Variants in NUP58 observed in about 807,000 individuals in gnomAD.
The protein encoded by NUP58 is nucleoporin 58, also known as nucleoporin p58/p45.
A neutral mutation model predicts 70.1 loss-of-function variants in NUP58; 17 were observed. The ratio of observed to expected loss-of-function variants is 0.24; its 90% confidence interval spans 0.17 to 0.36. NUP58 has a LOEUF of 0.36. Among genes scored for constraint, NUP58 ranks in the 10% least tolerant of loss-of-function variants. The pLI is 1.00. For synonymous variants in NUP58, 275 were observed against 257.6 expected, an observed-to-expected ratio of 1.07 and a Z score of -0.65; for missense variants, 644 against 701.5, an observed-to-expected ratio of 0.92 and a Z score of 0.93.
chr13:25,332,728 A>C, intron 13 of NUP58: 1 of 985,470 alleles, frequency 1.0e-6, no homozygotes, highest in Non-Finnish European at 1.2e-6. Context: ...ACCCATGTGA[A>C]TAGTGGCTCG....
In NUP58 at chr13:25,326,947, G is replaced by A. The variant is rs565404229; in HGVS notation, c.1063G>A (p.Val355Ile). The stretch of plus-strand genomic sequence containing the variant: ...CAGAATCTTGGTTCAGCAATTTGAG[G>A]TACAGCTTCAGCAGTACAGGCAGCA... ...YFRILVQQFEVQLQQYRQQIE... is the reference protein window; with the variant it reads ...YFRILVQQFEIQLQQYRQQIE... The change falls in exon 11 of 16, where the codon GTA (valine) becomes ATA (isoleucine). Residue 355 changes from valine to isoleucine, a missense_variant. By Grantham distance (29) the Val-to-Ile change is conservative. Around this residue, in one of 4 missense-constraint regions of NUP58, gnomAD observed 4 missense variants for 17.1 expected, o/e 0.23. Coordinates refer to ENST00000381736, the MANE Select transcript of NUP58 (RefSeq NM_014089.4). 1.9e-4 allele frequency: 304 copies of A among 1,596,436 alleles called. 2 individuals carry two copies. In the South Asian group the frequency reaches 2.5e-3, roughly 13 times the overall value.
chr13:25,345,972 AG>A (rs1234537259), downstream of NUP58, among the ~76,000 whole-genome samples: 2 of 152,242 alleles, frequency 1.3e-5, no homozygotes, highest in African/African-American at 4.8e-5. Context: ...AGGCTTACAA[AG>A]GTTTCATTGC....
intron 2 of NUP58, among the ~76,000 whole-genome samples, chr13:25,308,347 C>T (rs908260224): frequency 8.6e-5 from 13 of 152,028 alleles, no homozygotes; most frequent in African/African-American, 3.1e-4. Flanking sequence ...GTTGTCTAGG[C>T]TGGAGTGCAG....
intron 13 of NUP58, chr13:25,333,466 A>G: frequency 5.1e-6 from 5 of 985,274 alleles, no homozygotes; most frequent in Non-Finnish European, 6.0e-6. Context: ...GGGCTTTCTC[A>G]TCAGATGGCA....
At chr13:25,311,802 G>C (rs2030682957) in intron 3 of NUP58, among the ~76,000 whole-genome samples, 1 of 151,848 alleles carries the variant, frequency 6.6e-6, no homozygotes, top group Admixed American at 6.6e-5. Flanking sequence ...CCTAAGCTAA[G>C]GTTTTTAAGG....
chr13:25,308,186 G>T lies in NUP58; in HGVS notation c.250+238G>T. 4 of 367,648 alleles carry T rather than the reference G, an allele frequency of 1.1e-5. No individual in the cohort carries two copies. The East Asian group carries it at 1.3e-4, about 12-fold the overall frequency. 22.8% of individuals were successfully genotyped at this position (367,648 alleles called of 1,614,324 possible). On this transcript the variant is annotated intron_variant, in intron 2 of 15. Coordinates refer to ENST00000381736, the MANE Select transcript of NUP58 (RefSeq NM_014089.4). ...CATACAAATATTAATTTAAATTTTT[G>T]GATTATATAATGTAGTGTTTTTCCT...
At chr13:25,317,177 G>C (rs544275067) in intron 6 of NUP58, among the ~76,000 whole-genome samples, 1 of 152,304 alleles carries the variant, frequency 6.6e-6, no homozygotes, top group East Asian at 1.9e-4. Context: ...AGTGAGACTA[G>C]AGATGAGAAG....
At chr13:25,327,369 TA>T in intron 11 of NUP58, 60 bp from the exon 12 acceptor site, 1 of 1,121,162 alleles carries the variant, frequency 8.9e-7, no homozygotes, top group Non-Finnish European at 1.3e-6. Context: ...AATAGAAAAA[TA>T]AAATGGATTG....
In NUP58 at chr13:25,336,216, A is replaced by G. The variant is rs145612626; in HGVS notation, c.1436-720A>G. The G allele has an allele frequency of 1.2e-5, 16 of 1,367,020 alleles. No individual in the cohort carries two copies. In the Admixed American group the frequency reaches 2.1e-4, roughly 18 times the overall value. 84.7% of individuals were successfully genotyped at this position (1,367,020 alleles called of 1,614,324 possible). On this transcript the variant is annotated intron_variant, in intron 13 of 15. Coordinates refer to ENST00000381736, the MANE Select transcript of NUP58 (RefSeq NM_014089.4). ...GTTCATTACTTTATTTAATCAGGTG[A>G]TAAGTGGTGTAATGTAGCAGAGCTT...
intron 1 of NUP58, 46 bp from the exon 2 acceptor site, chr13:25,307,760 C>CT: frequency 6.2e-7 from 1 of 1,604,294 alleles, no homozygotes; most frequent in Non-Finnish European, 8.5e-7. Flanking sequence ...AGTAGACCTC[C>CT]TTTTGTGCAT....
intron 13 of NUP58, chr13:25,333,533 GA>G (rs2031681502): frequency 2.0e-6 from 2 of 985,158 alleles, no homozygotes; most frequent in Non-Finnish European, 2.4e-6. Context: ...TGAATTGTAT[GA>G]ATTCTTAGAA....
Position 25,326,958 on chromosome 13 carries a change from G to A in NUP58, c.1074G>A (p.Gln358=). The change falls in exon 11 of 16, where the codon CAG becomes CAA. Residue 358 remains glutamine (Q), a synonymous_variant. Coordinates refer to ENST00000381736, the MANE Select transcript of NUP58 (RefSeq NM_014089.4). The part of the protein sequence containing the change: ...ILVQQFEVQL[Q]QYRQQIEELE... ...TTCAGCAATTTGAGGTACAGCTTCA[G>A]CAGTACAGGCAGCAGATTGAAGAAC... The A allele has an allele frequency of 6.2e-7, 1 of 1,607,154 alleles. No individual in the cohort carries two copies. The highest frequency in any genetic ancestry group is 2.2e-5 in the East Asian group (1 of 44,618).
downstream of NUP58, among the ~76,000 whole-genome samples, chr13:25,344,849 CTGA>C (rs1340662947): frequency 1.3e-5 from 2 of 152,104 alleles, no homozygotes; most frequent in Non-Finnish European, 2.9e-5. Context: ...CCTGTCCTTT[CTGA>C]TGATAATATA....
chr13:25,338,578 T>C, intron 14 of NUP58, 58 bp from the exon 15 acceptor site: 1 of 1,279,766 alleles, frequency 7.8e-7, no homozygotes, highest in Non-Finnish European at 1.1e-6. Context: ...TACTTGTCCA[T>C]ATCCTTTAAC....
intron 13 of NUP58, chr13:25,335,221 T>C (rs1002306761): frequency 3.6e-5 from 35 of 984,864 alleles, no homozygotes; most frequent in African/African-American, 5.2e-5. Context: ...TCATTAGATA[T>C]GAGTTCTTGA....
chr13:25,302,785 G>C, intron 1 of NUP58: 2 of 363,508 alleles, frequency 5.5e-6, no homozygotes, highest in Non-Finnish European at 1.1e-5. Context: ...AGTTTAAAAA[G>C]GGAGGGAGGA....
chr13:25,322,668 A>G (rs952448732), intron 9 of NUP58, among the ~76,000 whole-genome samples: 12 of 152,198 alleles, frequency 7.9e-5, no homozygotes, highest in Admixed American at 6.5e-4. Context: ...TCTATCCCCT[A>G]TTCCCAAGGT....
In NUP58 at chr13:25,313,596, C is replaced by G. The variant is rs760118274; in HGVS notation, c.437-18C>G. The G allele has an allele frequency of 4.1e-6, 6 of 1,471,890 alleles. No individual in the cohort carries two copies. The highest frequency in any genetic ancestry group is 2.8e-5 in the Admixed American group (1 of 35,818). The allele number at this position is 1,471,890 out of a possible 1,614,324, so 91.2% of individuals were successfully genotyped here. ...AAATAAGTTGCCTTTTGAAAGCTTA[C>G]TATCTCTCTTTTTATAGCATCCACA... On this transcript the variant is annotated intron_variant, in intron 4 of 15. Transcript: ENST00000381736.
intron 12 of NUP58, among the ~76,000 whole-genome samples, chr13:25,329,971 G>A (rs1039528348): frequency 9.2e-5 from 14 of 152,116 alleles, no homozygotes; most frequent in African/African-American, 3.4e-4. Context: ...TAGGACTACA[G>A]GCATGCACCA....
Sources: gnomAD v4.1 joint callset for allele counts (sites outside exome capture counted in the v4.1 genomes callset) on GRCh38, gnomAD v4.1.1 for gene constraint, gnomAD v4.1.1 regional missense constraint, MANE v1.5 for transcripts, NCBI Gene and HGNC (gene_info 2026-07-23, HGNC 2026-07-21) for gene names.